Variants in C16orf96 observed in about 807,000 individuals in gnomAD.
C16orf96 encodes the protein uncharacterized protein C16orf96.
In C16orf96, 108 loss-of-function variants were observed where a neutral mutation model predicts 103.6. The observed-to-expected ratio is 1.04, with a 90% CI of 0.89 to 1.22. The LOEUF (loss-of-function observed/expected upper bound fraction) is 1.22, where lower values mean the gene tolerates loss of function less well. Among genes scored for constraint, C16orf96 ranks in the 50% most tolerant of loss-of-function variants. The pLI is 0.00. For synonymous variants in C16orf96, 566 were observed against 593.5 expected (o/e 0.95, Z 0.67); for missense variants, 1,586 against 1,464.2 (o/e 1.08, Z -1.36).
intron 1 of C16orf96, among the ~76,000 whole-genome samples, chr16:4,566,895 T>A (rs2059389431): frequency 1.3e-5 from 2 of 152,212 alleles, no homozygotes; most frequent in African/African-American, 4.8e-5. Flanking sequence ...TTGAGTCTGA[T>A]TCTTGGCCAA....
At chr16:4,589,603 A>C (rs74902163) in intron 9 of C16orf96, among the ~76,000 whole-genome samples, 9 of 136,942 alleles carry the variant, frequency 6.6e-5, no homozygotes, top group South Asian at 2.1e-4. Flanking sequence ...CTATCTCACA[A>C]AAAAAAAAAA....
intron 1 of C16orf96, among the ~76,000 whole-genome samples, chr16:4,570,897 G>A (rs1307323046): frequency 6.6e-6 from 1 of 152,182 alleles, no homozygotes; most frequent in Non-Finnish European, 1.5e-5. Flanking sequence ...CCTTTAAAAT[G>A]TAAATACAGA....
At chr16:4,553,486 C>T (rs1165222901), upstream of C16orf96, among the ~76,000 whole-genome samples, 4 of 151,926 alleles carry the variant, frequency 2.6e-5, no homozygotes, top group East Asian at 7.7e-4. Flanking sequence ...TACAGGCACA[C>T]ACCACCATGC....
chr16:4,564,055 G>A (rs188495964), intron 1 of C16orf96, among the ~76,000 whole-genome samples: 76 of 151,784 alleles, frequency 5.0e-4, no homozygotes, highest in African/African-American at 1.8e-3. Context: ...AAAATTAGCT[G>A]CTAGTCGGGA....
upstream of C16orf96, among the ~76,000 whole-genome samples, chr16:4,553,151 C>T (rs2059238039): frequency 2.0e-5 from 3 of 152,330 alleles, no homozygotes; most frequent in East Asian, 1.9e-4. Flanking sequence ...GCTGTTATCT[C>T]ATTGTCTGCC....
At chr16:4,592,957 A>G (rs1897092804) in intron 11 of C16orf96, among the ~76,000 whole-genome samples, 1 of 152,202 alleles carries the variant, frequency 6.6e-6, no homozygotes, top group Admixed American at 6.5e-5. Flanking sequence ...TCATAGGTGT[A>G]TGCCACCGCG....
chr16:4,557,750 G>A (rs1222496659), intron 1 of C16orf96, among the ~76,000 whole-genome samples: 4 of 151,982 alleles, frequency 2.6e-5, no homozygotes, highest in Admixed American at 2.0e-4. Context: ...GCTCACTGTA[G>A]CCTCGACCTC....
rs182224320 is a variant in C16orf96, at chr16:4,563,067, C to T, written c.420+6158C>T. The T allele has an allele frequency of 4.1e-5, 34 of 829,846 alleles. No individual in the cohort carries two copies. The African/African-American group carries it at 5.6e-4, about 14-fold the overall frequency. The allele number at this position is 829,846 out of a possible 1,614,324, so 51.4% of individuals were successfully genotyped here. A position where few individuals can be genotyped will look rare whatever the true frequency, so the allele number is the denominator to read the frequency against. On this transcript the variant is annotated intron_variant, in intron 1 of 15. Coordinates refer to ENST00000444310, the MANE Select transcript of C16orf96 (RefSeq NM_001145011.2). ...GATGACAGAGCTCTCCAAGTTTCGC[C>T]TGTCTTTTGCTTCTTTACAGGTTTT...
At chr16:4,572,390 C>T (rs1420063174) in intron 2 of C16orf96, among the ~76,000 whole-genome samples, 1 of 148,636 alleles carries the variant, frequency 6.7e-6, no homozygotes, top group Admixed American at 6.8e-5. Context: ...ACCTCCACCT[C>T]CCGGGTTCAC....
At chr16:4,587,303 C>G (rs1429904769) in intron 8 of C16orf96, among the ~76,000 whole-genome samples, 190 bp downstream of exon 8, 1 of 152,098 alleles carries the variant, frequency 6.6e-6, no homozygotes, top group Admixed American at 6.6e-5. Context: ...GCGGGTGGAT[C>G]ACCTGAGGTC....
At chr16:4,571,410 C>T in intron 1 of C16orf96, 151 bp from the exon 2 acceptor site, 1 of 610,192 alleles carries the variant, frequency 1.6e-6, no homozygotes, top group Non-Finnish European at 2.8e-6. Flanking sequence ...ACTTTAGTAG[C>T]ATCTCCTGGT....
chr16:4,593,125 T>C lies in C16orf96; in HGVS notation c.2775-99T>C. ...GTGGTGACCTGAGTCTGCACCTCCT[T>C]CCTCCTGCTGGGAAGGCTTCCTGGA... On this transcript the variant is annotated intron_variant, in intron 11 of 15. Coordinates refer to ENST00000444310, the MANE Select transcript of C16orf96 (RefSeq NM_001145011.2). This position sits in a 1 kb window ranked among gnomAD's most constrained non-coding sequence, Gnocchi z 4.2. The C allele has an allele frequency of 8.5e-7, 1 of 1,177,852 alleles. No individual in the cohort carries two copies. Among genetic ancestry groups the C allele is most frequent in the Non-Finnish European group, 1.2e-6 (1 of 815,516 alleles). The allele number at this position is 1,177,852 out of a possible 1,614,324, so 73.0% of individuals were successfully genotyped here.
At chr16:4,539,293 C>G in the C16orf96 span, among the ~76,000 whole-genome samples, 1 of 152,188 alleles carries the variant, frequency 6.6e-6, no homozygotes, top group African/African-American at 2.4e-5. Flanking sequence ...AATATTGAAA[C>G]AAAGATAGTT....
Position 4,592,381 on chromosome 16 carries a change from C to T in C16orf96, c.2774+14C>T. ...GATGACTGGCCCGTGAGTACCACCG[C>T]CCAGGGTGCCCCGGCCCTAAGGGCT... On this transcript the variant is annotated intron_variant, in intron 11 of 15. Transcript: ENST00000444310. 1 of 1,551,488 alleles carries T rather than the reference C, an allele frequency of 6.4e-7. No homozygotes were observed. The highest frequency in any genetic ancestry group is 8.7e-7 in the Non-Finnish European group (1 of 1,146,990).
chr16:4,555,964 T>C (rs2059259004), upstream of C16orf96, among the ~76,000 whole-genome samples: 2 of 152,046 alleles, frequency 1.3e-5, no homozygotes, highest in African/African-American at 4.8e-5. Flanking sequence ...CTCCCCAAAG[T>C]GCTGGGATTA....
At chr16:4,577,085 G>A (rs2059520718) in intron 5 of C16orf96, among the ~76,000 whole-genome samples, 1 of 152,104 alleles carries the variant, frequency 6.6e-6, no homozygotes. Flanking sequence ...CAGCTACTCG[G>A]GAGGCTGTGG....
Position 4,594,333 on chromosome 16 carries a change from C to A in C16orf96, c.2868-18C>A. The stretch of plus-strand genomic sequence containing the variant: ...TACAGGGTCTCCAGGTCGCTGCTGA[C>A]CCACTGCCCTGCTGCAGGGAACAGC... On this transcript the variant is annotated intron_variant, in intron 12 of 15. Transcript: ENST00000444310. 1 of 1,549,318 alleles carries A rather than the reference C, an allele frequency of 6.5e-7. No individual in the cohort carries two copies. Among genetic ancestry groups the A allele is most frequent in the East Asian group, 2.4e-5 (1 of 40,858 alleles).
rs1416873078 is a variant in C16orf96 at position 4,594,390 on chromosome 16, G to A, written c.2907G>A (p.Gln969=). 4 of 1,433,254 alleles carry A rather than the reference G, an allele frequency of 2.8e-6. No individual in the cohort carries two copies. The highest frequency in any genetic ancestry group is 2.1e-5 in the Admixed American group (1 of 47,352). 88.8% of individuals were successfully genotyped at this position (1,433,254 alleles called of 1,614,324 possible). ...QWLQLQDLGI[Q]EDCQQDWGDG... Reference sequence around the variant, plus strand: ...TGCAGCTCCAGGACCTCGGTATCCAGGAGGATTGTCAGCAGGACTGGGGTG... The same window carrying A: ...TGCAGCTCCAGGACCTCGGTATCCAAGAGGATTGTCAGCAGGACTGGGGTG... Residue 969 remains glutamine (Q), a synonymous_variant, in exon 13 of 16, where the codon CAG becomes CAA. Transcript: ENST00000444310.
At chr16:4,596,569 C>T (rs894851919) in intron 14 of C16orf96, among the ~76,000 whole-genome samples, 2 of 151,916 alleles carry the variant, frequency 1.3e-5, no homozygotes, top group Non-Finnish European at 2.9e-5. Context: ...GTAGTCCCAG[C>T]TTCTCAGGAG....
Sources: gnomAD v4.1 joint callset for allele counts (sites outside exome capture counted in the v4.1 genomes callset) on GRCh38, gnomAD v4.1.1 for gene constraint, Gnocchi (gnomAD v3.1) non-coding constraint, MANE v1.5 for transcripts, NCBI Gene and HGNC (gene_info 2026-07-23, HGNC 2026-07-21) for gene names.